The following THSD7A variants were observed in gnomAD, a reference collection of about 807,000 sequenced individuals.
THSD7A encodes the protein thrombospondin type 1 domain containing 7A, also known as thrombospondin type-1 domain-containing protein 7A.
THSD7A carries 96 observed loss-of-function variants against 231.3 expected under a neutral mutation model. That is an observed-to-expected ratio of 0.41 (90% CI 0.35 to 0.49). The LOEUF (loss-of-function observed/expected upper bound fraction) is 0.49. THSD7A is among the 20% of genes least tolerant of loss of function. The pLI is 0.05. For synonymous variants in THSD7A, 940 were observed against 743.3 expected (o/e 1.26, Z -4.30); for missense variants, 2,290 against 2,070.2 (o/e 1.11, Z -2.06).
intron 4 of THSD7A, among the ~76,000 whole-genome samples, chr7:11,586,189 T>G (rs1382617232): frequency 6.6e-6 from 1 of 152,190 alleles, no homozygotes; most frequent in Non-Finnish European, 1.5e-5. Context: ...AGCCAAACTT[T>G]ATATGCCTGT....
chr7:11,406,982 G>C lies in THSD7A; in HGVS notation c.3990C>G (p.Asp1330Glu). 1.2e-6 allele frequency: 2 copies of C among 1,613,890 alleles called. No individual in the cohort carries two copies. The highest frequency in any genetic ancestry group is 8.5e-7 in the Non-Finnish European group (1 of 1,179,856). Residue 1330 changes from aspartate to glutamate, a missense_variant, in exon 21 of 28, where the codon GAC becomes GAG. Transcript: ENST00000423059. This position sits in a 1 kb window ranked among gnomAD's most constrained non-coding sequence, Gnocchi z 4.7. ...GDGRPCPSLM[D>E]QSKPCPVKPC... ...GCTTCACTGGGCAGGGTTTGGACTG[G>C]TCCATCAGGGAAGGGCATGGTCTTC...
intron 1 of THSD7A, chr7:11,821,194 T>C (rs1784863069): frequency 8.5e-7 from 1 of 1,179,006 alleles, no homozygotes. Context: ...GTGATGCTCT[T>C]TAACATGGTG....
At chr7:11,527,524 C>A (rs573548672) in intron 6 of THSD7A, among the ~76,000 whole-genome samples, 1 of 152,268 alleles carries the variant, frequency 6.6e-6, no homozygotes, top group Non-Finnish European at 1.5e-5. Context: ...GAAACCAGTT[C>A]TAGAAGAATC....
intron 1 of THSD7A, among the ~76,000 whole-genome samples, chr7:11,826,670 G>A (rs935948417): frequency 2.0e-5 from 3 of 151,940 alleles, no homozygotes; most frequent in East Asian, 1.9e-4. Context: ...AAATTAGCCG[G>A]GTATGGTGGC....
chr7:11,740,981 C>T (rs1178583898), intron 1 of THSD7A, among the ~76,000 whole-genome samples: 1 of 151,854 alleles, frequency 6.6e-6, no homozygotes, highest in East Asian at 2.0e-4. Flanking sequence ...AAGAAAAGGT[C>T]TTTTATGTAT....
At chr7:11,487,735 C>G (rs1254546263) in intron 6 of THSD7A, among the ~76,000 whole-genome samples, 2 of 152,216 alleles carry the variant, frequency 1.3e-5, no homozygotes, top group South Asian at 2.1e-4. Flanking sequence ...TTGAAAAAAA[C>G]TACCAGATCT....
chr7:11,401,782 C>CGGTA lies in THSD7A; in HGVS notation c.4411+9_4411+12dup, dbSNP rs1562580960. 6.2e-7 allele frequency: 1 copy of CGGTA among 1,607,212 alleles called. No individual in the cohort carries two copies. Among genetic ancestry groups the CGGTA allele is most frequent in the Admixed American group, 1.7e-5 (1 of 59,212 alleles). Reference sequence around the variant, plus strand: ...TTTTGCTTAAGATAGAGTATATGAACGGTAGCACTCACCATAACATGATTT... The same window carrying CGGTA: ...TTTTGCTTAAGATAGAGTATATGAACGGTAGGTAGCACTCACCATAACATGATTT... On this transcript the variant is annotated intron_variant, in intron 23 of 27. Coordinates refer to ENST00000423059, the MANE Select transcript of THSD7A (RefSeq NM_015204.3).
At chr7:11,479,528 T>C (rs1274926238) in intron 7 of THSD7A, among the ~76,000 whole-genome samples, 1 of 152,224 alleles carries the variant, frequency 6.6e-6, no homozygotes. Context: ...ATGGAAAGAC[T>C]GACTTTTGTG....
At chr7:11,695,495 A>G (rs1238453005) in intron 1 of THSD7A, among the ~76,000 whole-genome samples, 1 of 151,530 alleles carries the variant, frequency 6.6e-6, no homozygotes, top group Admixed American at 6.6e-5. Context: ...GTTTTATGCA[A>G]TAAGGTGCTG....
intron 11 of THSD7A, among the ~76,000 whole-genome samples, chr7:11,459,736 T>G (rs1411808841): frequency 6.7e-6 from 1 of 148,534 alleles, no homozygotes. Context: ...AAAAAGGCAG[T>G]TTTTTTTCAC....
chr7:11,775,526 A>T (rs1343680112), intron 1 of THSD7A, among the ~76,000 whole-genome samples: 2 of 152,206 alleles, frequency 1.3e-5, no homozygotes, highest in African/African-American at 4.8e-5. Context: ...AAAGTAAGGA[A>T]ATTGTGATGC....
chr7:11,754,938 T>A (rs1782624806), intron 1 of THSD7A, among the ~76,000 whole-genome samples: 1 of 152,240 alleles, frequency 6.6e-6, no homozygotes, highest in South Asian at 2.1e-4. Context: ...CTGTATTATA[T>A]AGTTTATGTT....
At chr7:11,761,958 C>T (rs1402083953) in intron 1 of THSD7A, among the ~76,000 whole-genome samples, 1 of 152,046 alleles carries the variant, frequency 6.6e-6, no homozygotes, top group African/African-American at 2.4e-5. Flanking sequence ...TCTTTATGTT[C>T]ATCTGTACCA....
intron 1 of THSD7A, among the ~76,000 whole-genome samples, chr7:11,761,035 G>A (rs1422373077): frequency 6.7e-6 from 1 of 150,104 alleles, no homozygotes; most frequent in Non-Finnish European, 1.5e-5. Flanking sequence ...ATGCTGATAA[G>A]CTATAAATAT....
intron 4 of THSD7A, among the ~76,000 whole-genome samples, chr7:11,575,994 G>C (rs1013645849): frequency 1.3e-5 from 2 of 152,086 alleles, no homozygotes; most frequent in African/African-American, 2.4e-5. Context: ...TTTACAACTG[G>C]TTTCTGTTGC....
rs191527156 is a variant in THSD7A at position 11,375,745 on chromosome 7, C to G, written c.*49G>C. On this transcript the variant is annotated 3_prime_UTR_variant, in exon 28 of 28. Transcript: ENST00000423059. ...TACATTTGTTGTGGCCTCTGGACAT[C>G]TATGAAGTCAGAAAGCCGAAACTGG... The G allele has an allele frequency of 7.3e-6, 11 of 1,499,964 alleles. No homozygotes were observed. The African/African-American group carries it at 1.5e-4, about 21-fold the overall frequency. 92.9% of individuals were successfully genotyped at this position (1,499,964 alleles called of 1,614,324 possible). A position where few individuals can be genotyped will look rare whatever the true frequency, so the allele number is the denominator to read the frequency against.
intron 7 of THSD7A, among the ~76,000 whole-genome samples, chr7:11,475,888 T>C (rs539028968): frequency 4.0e-5 from 6 of 150,228 alleles, no homozygotes; most frequent in Non-Finnish European, 7.4e-5. Flanking sequence ...ATTTGGTTGA[T>C]GAAGTTCTAT....
chr7:11,512,938 C>A, intron 6 of THSD7A, among the ~76,000 whole-genome samples: 5 of 49,006 alleles, frequency 1.0e-4, no homozygotes, highest in Admixed American at 1.5e-4. Context: ...AAAAAAGAAA[C>A]TATGATATAT....
At chr7:11,527,985 C>A (rs1357637185) in intron 6 of THSD7A, among the ~76,000 whole-genome samples, 2 of 150,592 alleles carry the variant, frequency 1.3e-5, no homozygotes, top group Non-Finnish European at 2.9e-5. Flanking sequence ...AGACTTTGTC[C>A]CTACAAAAAA....
Sources: allele counts gnomAD v4.1 joint callset (sites outside exome capture counted in the v4.1 genomes callset), GRCh38; gene constraint gnomAD v4.1.1; non-coding constraint Gnocchi (gnomAD v3.1); transcripts MANE v1.5; gene names NCBI Gene and HGNC (gene_info 2026-07-23, HGNC 2026-07-21).